The following PCDH9 variants were observed in gnomAD, a reference collection of about 807,000 sequenced individuals.
PCDH9 encodes protocadherin-9.
PCDH9 carries 24 observed loss-of-function variants against 70.6 expected under a neutral mutation model. The ratio of observed to expected loss-of-function variants is 0.34; its 90% CI spans 0.25 to 0.48. PCDH9 has a LOEUF of 0.48. PCDH9 is among the 20% of genes least tolerant of loss of function. The pLI is 0.99. For synonymous variants in PCDH9, 562 were observed against 558.5 expected (o/e 1.01, Z -0.09); for missense variants, 1,281 against 1,503.6 (o/e 0.85, Z 2.45).
At chr13:66,991,138 C>T (rs2083994565) in intron 2 of PCDH9, 1 of 151,932 alleles carries the variant, frequency 6.6e-6, no homozygotes, top group Admixed American at 6.6e-5. Flanking sequence ...GATACAGTGT[C>T]CTGAATCTGT....
chr13:66,553,329 TATTG>T (rs1482091987), intron 4 of PCDH9, among the ~76,000 whole-genome samples: 2 of 152,154 alleles, frequency 1.3e-5, no homozygotes, highest in Admixed American at 6.6e-5. Context: ...TGGAATGGAT[TATTG>T]ATTGACTGAA....
rs4883792 is a variant in PCDH9 at position 67,096,968 on chromosome 13, G to A, written c.3036+128437C>T. ...TTTAAAATATTTTAAGAATTTTAAG[G>A]CCGGGCACAGTGGCTCACACCTGTA... On this transcript the variant is annotated intron_variant, in intron 2 of 4. Coordinates refer to ENST00000377865, the MANE Select transcript of PCDH9 (RefSeq NM_203487.3). Among the ~76,000 whole-genome samples the A allele has an allele frequency of 9.6e-3, 1,460 of 152,118 alleles. 80 individuals carry two copies. Among genetic ancestry groups the A allele is most frequent in the Admixed American group, 0.079 (1,212 of 15,252 alleles).
At chr13:66,943,184 CTTATA>C (rs1344117390) in intron 2 of PCDH9, among the ~76,000 whole-genome samples, 4 of 151,978 alleles carry the variant, frequency 2.6e-5, no homozygotes, top group African/African-American at 9.7e-5. Flanking sequence ...AATATTACGT[CTTATA>C]TTACATTACA....
chr13:66,621,232 G>A (rs1469662352), intron 4 of PCDH9, among the ~76,000 whole-genome samples: 3 of 152,084 alleles, frequency 2.0e-5, no homozygotes, highest in East Asian at 1.9e-4. Context: ...TCACTCTGAT[G>A]GTTATGTTAC....
intron 4 of PCDH9, among the ~76,000 whole-genome samples, chr13:66,388,551 T>C (rs1365039043): frequency 6.6e-6 from 1 of 152,114 alleles, no homozygotes; most frequent in African/African-American, 2.4e-5. Context: ...CTTTGAGAAG[T>C]TTATAGTTTA....
chr13:66,762,403 G>C (rs1485599092), intron 3 of PCDH9, among the ~76,000 whole-genome samples: 1 of 152,000 alleles, frequency 6.6e-6, no homozygotes, highest in East Asian at 1.9e-4. Context: ...CCTGGTGCTA[G>C]GTTTTACTGT....
chr13:66,909,900 T>C (rs2082431142), intron 2 of PCDH9, among the ~76,000 whole-genome samples: 1 of 152,110 alleles, frequency 6.6e-6, no homozygotes, highest in East Asian at 1.9e-4. Context: ...CCCAGTGGAT[T>C]TTGCAAAGTT....
intron 4 of PCDH9, among the ~76,000 whole-genome samples, chr13:66,479,365 C>T (rs7322291): frequency 0.017 from 2,662 of 152,220 alleles, 57 homozygotes; most frequent in African/African-American, 0.049. Context: ...TTTGGCTTCC[C>T]GGTCATATTA....
intron 4 of PCDH9, among the ~76,000 whole-genome samples, chr13:66,493,783 T>C (rs145127523): frequency 5.9e-5 from 9 of 152,264 alleles, no homozygotes; most frequent in Non-Finnish European, 1.2e-4. Context: ...AACAGCTCAC[T>C]TTGTCAATAC....
At chr13:66,492,494 T>A (rs1224756186) in intron 4 of PCDH9, among the ~76,000 whole-genome samples, 1 of 148,374 alleles carries the variant, frequency 6.7e-6, no homozygotes, top group African/African-American at 2.4e-5. Context: ...GATTTTTATA[T>A]TTATATATAA....
At chr13:66,704,845 T>C (rs1419655936) in intron 3 of PCDH9, among the ~76,000 whole-genome samples, 7 of 152,144 alleles carry the variant, frequency 4.6e-5, no homozygotes, top group Non-Finnish European at 1.5e-5. Flanking sequence ...TAGAGTCTTT[T>C]AAAATACATT....
intron 3 of PCDH9, among the ~76,000 whole-genome samples, chr13:66,708,115 T>A (rs2078738552): frequency 6.6e-6 from 1 of 151,608 alleles, no homozygotes; most frequent in Non-Finnish European, 1.5e-5. Context: ...AGTGGCGGGA[T>A]CTCGGCTCAC....
chr13:66,684,719 T>C lies in PCDH9; in HGVS notation c.3139-53308A>G, dbSNP rs148949846. ...TTTATAAATTATCCAGTCTTGGCAG[T>C]TCTTTATAGCAGCATAAAAATGGAC... is the stretch of plus-strand genomic sequence containing the variant. On this transcript the variant is annotated intron_variant, in intron 3 of 4. Transcript: ENST00000377865. Among the ~76,000 whole-genome samples the C allele has an allele frequency of 4.2e-3, 637 of 152,310 alleles. 1 individual carries two copies. The highest frequency in any genetic ancestry group is 0.014 in the African/African-American group (585 of 41,570).
At chr13:66,342,787 T>TG (rs1177904008) in intron 4 of PCDH9, among the ~76,000 whole-genome samples, 1 of 142,506 alleles carries the variant, frequency 7.0e-6, no homozygotes, top group Non-Finnish European at 1.6e-5. Context: ...TTTATTGTAT[T>TG]TATTTATTGT....
At chr13:66,487,574 T>C (rs1958965319) in intron 4 of PCDH9, among the ~76,000 whole-genome samples, 1 of 152,184 alleles carries the variant, frequency 6.6e-6, no homozygotes, top group African/African-American at 2.4e-5. Context: ...CATATAATAT[T>C]CCATAATATG....
chr13:67,199,151 T>C (rs2089148950), intron 2 of PCDH9, among the ~76,000 whole-genome samples: 1 of 151,596 alleles, frequency 6.6e-6, no homozygotes, highest in African/African-American at 2.4e-5. Context: ...TCTGAACTTA[T>C]GTATAAATAT....
intron 2 of PCDH9, chr13:67,214,315 A>C (rs1320956476): frequency 6.6e-6 from 1 of 152,228 alleles, no homozygotes; most frequent in Non-Finnish European, 1.5e-5. Flanking sequence ...TGGTTTGATT[A>C]CACCATGGAT....
At chr13:66,901,691 A>G (rs1275836996) in intron 3 of PCDH9, among the ~76,000 whole-genome samples, 1 of 151,644 alleles carries the variant, frequency 6.6e-6, no homozygotes, top group Admixed American at 6.6e-5. Flanking sequence ...ACCCTGTGCA[A>G]GCTGTCTTCC....
intron 2 of PCDH9, among the ~76,000 whole-genome samples, chr13:67,153,588 T>A (rs1268623017): frequency 6.6e-6 from 1 of 152,236 alleles, no homozygotes; most frequent in Non-Finnish European, 1.5e-5. Context: ...TTTCATAACA[T>A]CTATGGATGT....
Sources: gnomAD v4.1 joint callset for allele counts (sites outside exome capture counted in the v4.1 genomes callset) on GRCh38, gnomAD v4.1.1 for gene constraint, MANE v1.5 for transcripts, NCBI Gene and HGNC (gene_info 2026-07-23, HGNC 2026-07-21) for gene names.